Variants in AGBL1 observed in about 807,000 individuals in gnomAD.
The protein encoded by AGBL1 is cytosolic carboxypeptidase 4.
A neutral mutation model predicts 118.9 loss-of-function variants in AGBL1; 130 were observed. That is an observed-to-expected ratio of 1.09 (90% CI 0.95 to 1.26). The LOEUF (loss-of-function observed/expected upper bound fraction) is 1.26, where lower values mean the gene tolerates loss of function less well. Ranked by LOEUF, AGBL1 falls within the 50% of genes most tolerant of loss-of-function variation. AGBL1 has a pLI of 0.00. For missense variants in AGBL1, 1,584 were observed against 1,298.1 expected (o/e 1.22, Z -3.38); for synonymous variants, 555 against 478.9 (o/e 1.16, Z -2.08).
intron 7 of AGBL1, among the ~76,000 whole-genome samples, chr15:86,251,545 A>T (rs182125510): frequency 6.6e-6 from 1 of 152,302 alleles, no homozygotes; most frequent in Non-Finnish European, 1.5e-5. Flanking sequence ...CTGACTGTAA[A>T]GGAACTTTTT....
chr15:86,707,996 A>G (rs776702278), intron 22 of AGBL1, among the ~76,000 whole-genome samples: 1 of 152,170 alleles, frequency 6.6e-6, no homozygotes, highest in Non-Finnish European at 1.5e-5. Flanking sequence ...CAAAACATTG[A>G]CATTCCATTT....
chr15:86,886,985 AG>A, intron 22 of AGBL1, among the ~76,000 whole-genome samples: 1 of 152,294 alleles, frequency 6.6e-6, no homozygotes, highest in Middle Eastern at 3.4e-3. Context: ...TATTAACTTA[AG>A]GGGCAGAGAA....
At chr15:86,632,233 A>G (rs184884307) in intron 21 of AGBL1, among the ~76,000 whole-genome samples, 1 of 144,586 alleles carries the variant, frequency 6.9e-6, no homozygotes, top group East Asian at 2.1e-4. Context: ...ATGCCACTGC[A>G]CTCCAGCCAG....
chr15:86,838,963 A>AAAAG (rs2079207258), intron 22 of AGBL1, among the ~76,000 whole-genome samples: 6 of 150,392 alleles, frequency 4.0e-5, no homozygotes, highest in South Asian at 4.2e-4. Flanking sequence ...AAAAAAAAAA[A>AAAAG]AAAGAAAGAA....
chr15:86,425,978 T>C (rs1250362125), intron 18 of AGBL1, among the ~76,000 whole-genome samples: 2 of 147,882 alleles, frequency 1.4e-5, no homozygotes, highest in East Asian at 2.0e-4. Flanking sequence ...ACACAGATAA[T>C]TCACCAAGAG....
In AGBL1 at chr15:86,913,457, A is replaced by T. The variant is rs2080379132; in HGVS notation, c.*6163A>T. 1 of 152,258 alleles carries T rather than the reference A, an allele frequency of 6.6e-6. No individual in the cohort carries two copies. The highest frequency in any genetic ancestry group is 6.5e-5 in the Admixed American group (1 of 15,284). 9.4% of individuals were successfully genotyped at this position (152,258 alleles called of 1,614,324 possible). On this transcript the variant is annotated 3_prime_UTR_variant, in exon 23 of 23. Coordinates refer to ENST00000614907, the MANE Select transcript of AGBL1 (RefSeq NM_001386094.1). ...TTCTGGGCCAGTTCCAATGCAAAGT[A>T]AAATGGGTTCAGTATCATTGGTAGA...
chr15:86,746,020 C>A (rs537278277), intron 22 of AGBL1, among the ~76,000 whole-genome samples: 2 of 152,154 alleles, frequency 1.3e-5, no homozygotes, highest in South Asian at 2.1e-4. Flanking sequence ...AGGATAGTGA[C>A]CCATTTGGTT....
chr15:86,398,715 A>C (rs1420611478), intron 18 of AGBL1, among the ~76,000 whole-genome samples: 1 of 152,198 alleles, frequency 6.6e-6, no homozygotes, highest in African/African-American at 2.4e-5. Flanking sequence ...TTTAAGTGTT[A>C]AACAGCCAAG....
chr15:86,295,060 C>T (rs2079611175), intron 16 of AGBL1, among the ~76,000 whole-genome samples, 195 bp from the exon 17 acceptor site: 2 of 152,330 alleles, frequency 1.3e-5, no homozygotes, highest in Non-Finnish European at 2.9e-5. Context: ...AGGAATGATG[C>T]TTCCTGCTCA....
At chr15:86,834,154 T>A (rs1407533796) in intron 22 of AGBL1, among the ~76,000 whole-genome samples, 2 of 152,152 alleles carry the variant, frequency 1.3e-5, no homozygotes, top group Non-Finnish European at 2.9e-5. Context: ...GAGGATTCAA[T>A]GGGGCATCTG....
intron 22 of AGBL1, among the ~76,000 whole-genome samples, chr15:86,897,990 C>T (rs28651884): frequency 0.11 from 16,135 of 151,772 alleles, 1,356 homozygotes; most frequent in African/African-American, 0.23. Flanking sequence ...CCAGGCTGGT[C>T]TTGAACTCCT....
chr15:87,027,778 G>T (rs907393247), intron 24 of AGBL1, among the ~76,000 whole-genome samples: 5 of 151,866 alleles, frequency 3.3e-5, no homozygotes, highest in South Asian at 2.1e-4. Flanking sequence ...AAACTAATGC[G>T]GGAACAGAAA....
intron 22 of AGBL1, among the ~76,000 whole-genome samples, chr15:86,761,982 C>G (rs972805927): frequency 6.6e-6 from 1 of 151,934 alleles, no homozygotes; most frequent in African/African-American, 2.4e-5. Flanking sequence ...ACGTTTAAGT[C>G]TTTAATCCAT....
intron 6 of AGBL1, among the ~76,000 whole-genome samples, chr15:86,238,605 G>A (rs961312704): frequency 2.0e-5 from 3 of 152,068 alleles, no homozygotes; most frequent in African/African-American, 7.2e-5. Flanking sequence ...CATTTTTTAT[G>A]TGCCACTGAG....
intron 23 of AGBL1, among the ~76,000 whole-genome samples, chr15:86,970,978 T>C (rs1172397743): frequency 6.6e-6 from 1 of 152,022 alleles, no homozygotes; most frequent in Non-Finnish European, 1.5e-5. Context: ...TAGAGATAAT[T>C]TAAAGTATAC....
At chr15:86,546,626 C>T (rs2083587230) in intron 20 of AGBL1, among the ~76,000 whole-genome samples, 1 of 152,124 alleles carries the variant, frequency 6.6e-6, no homozygotes, top group African/African-American at 2.4e-5. Flanking sequence ...AGCCATTAAA[C>T]CATCTACATC....
At chr15:86,931,403 A>G (rs1224491790) in intron 23 of AGBL1, among the ~76,000 whole-genome samples, 1 of 152,112 alleles carries the variant, frequency 6.6e-6, no homozygotes, top group Non-Finnish European at 1.5e-5. Context: ...CCTTGCAGAT[A>G]AACACCCACC....
intron 1 of AGBL1, among the ~76,000 whole-genome samples, chr15:86,111,984 C>G (rs1027868263): frequency 3.9e-5 from 6 of 152,182 alleles, no homozygotes; most frequent in African/African-American, 7.2e-5. Context: ...ACGTTGCTCT[C>G]TCCTTATGAG....
intron 21 of AGBL1, among the ~76,000 whole-genome samples, chr15:86,586,860 G>C (rs917017379): frequency 1.3e-5 from 2 of 151,980 alleles, no homozygotes; most frequent in Non-Finnish European, 2.9e-5. Flanking sequence ...TTAAGTTAAG[G>C]GGGGGTCTGT....
Sources: gnomAD v4.1 joint callset for allele counts (sites outside exome capture counted in the v4.1 genomes callset) on GRCh38, gnomAD v4.1.1 for gene constraint, MANE v1.5 for transcripts, NCBI Gene and HGNC (gene_info 2026-07-23, HGNC 2026-07-21) for gene names.